AP2A2: variants seen among roughly 807,000 people sequenced by gnomAD.
AP2A2 encodes adaptor related protein complex 2 subunit alpha 2.
In AP2A2, 32 loss-of-function variants were observed where a neutral mutation model predicts 104.2. That is an observed-to-expected ratio of 0.31 (90% confidence interval 0.23 to 0.41). The LOEUF is 0.41. Ranked by LOEUF, AP2A2 falls within the 10% of genes least tolerant of loss-of-function variation. The pLI is 1.00. For missense variants in AP2A2, 912 were observed against 1,261.0 expected (o/e 0.72, Z 4.19); for synonymous variants, 539 against 533.3 (o/e 1.01, Z -0.15).
At position 925,930 on chromosome 11, in the gene AP2A2, G is replaced by T; in HGVS notation, c.-92G>T. On this transcript the variant is annotated 5_prime_UTR_variant, in exon 1 of 22. Coordinates refer to ENST00000448903, the MANE Select transcript of AP2A2 (RefSeq NM_012305.4). ...TAGGCGGCTCCCCGGCGGCTCCTCC[G>T]CGGCGGTGACGGCGACCGCACTCCC... The T allele has an allele frequency of 9.7e-7, 1 of 1,025,750 alleles. No homozygotes were observed. The highest frequency in any genetic ancestry group is 1.3e-6 in the Non-Finnish European group (1 of 773,866). The allele number at this position is 1,025,750 out of a possible 1,614,324, so 63.5% of individuals were successfully genotyped here.
intron 9 of AP2A2, 81 bp from the exon 10 acceptor site, chr11:988,469 TGC>T: frequency 6.6e-7 from 1 of 1,524,960 alleles, no homozygotes. Flanking sequence ...GGTGTTGAGA[TGC>T]GGGTGCCGAG....
intron 8 of AP2A2, among the ~76,000 whole-genome samples, chr11:986,546 C>T (rs1052143245): frequency 3.3e-5 from 5 of 152,174 alleles, no homozygotes; most frequent in Admixed American, 2.0e-4. Context: ...AGTGGACACA[C>T]GGGCTGCTGA....
chr11:943,947 G>A (rs1301819184), intron 1 of AP2A2, among the ~76,000 whole-genome samples: 2 of 148,984 alleles, frequency 1.3e-5, no homozygotes, highest in African/African-American at 5.0e-5. Context: ...GACGCAGGTG[G>A]CAGCGGAGAT....
chr11:987,539 C>T (rs891380230), intron 9 of AP2A2, among the ~76,000 whole-genome samples: 8 of 152,014 alleles, frequency 5.3e-5, no homozygotes, highest in Non-Finnish European at 8.8e-5. Context: ...CCTGTAGTCC[C>T]AGCTACTCAG....
intron 1 of AP2A2, among the ~76,000 whole-genome samples, chr11:935,052 T>C (rs899773208): frequency 8.7e-6 from 1 of 114,744 alleles, no homozygotes; most frequent in Non-Finnish European, 1.8e-5. Context: ...AGAGATGGGG[T>C]TTCACCATTT....
At chr11:946,020 A>C (rs1853819398) in intron 1 of AP2A2, among the ~76,000 whole-genome samples, 1 of 152,216 alleles carries the variant, frequency 6.6e-6, no homozygotes, top group Non-Finnish European at 1.5e-5. Context: ...TTGAGTCTGC[A>C]TCAGAAATGC....
intron 14 of AP2A2, 52 bp downstream of exon 14, chr11:994,297 G>C: frequency 6.3e-7 from 1 of 1,596,446 alleles, no homozygotes; most frequent in Non-Finnish European, 8.5e-7. Flanking sequence ...TCACCCCCAA[G>C]ACTTGGGACC....
At position 994,108 on chromosome 11, in the gene AP2A2, C is replaced by T. The variant is rs760009895; in HGVS notation, c.1819C>T (p.Arg607Trp). The change falls in exon 14 of 22, where the codon CGG becomes TGG. Residue 607 changes from arginine (R) to tryptophan (W), a missense_variant. Transcript: ENST00000448903. ...VLEEMPPFPE[R>W]ESSILAKLKK... ...GGAGGAGATGCCCCCATTCCCGGAG[C>T]GGGAGTCCTCCATCTTGGCAAAGCT... 1.2e-6 allele frequency: 2 copies of T among 1,613,038 alleles called. No homozygotes were observed. Among genetic ancestry groups the T allele is most frequent in the Non-Finnish European group, 1.7e-6 (2 of 1,179,830 alleles).
chr11:1,007,705 G>A (rs932123239), intron 17 of AP2A2: 5 of 449,892 alleles, frequency 1.1e-5, no homozygotes, highest in Non-Finnish European at 1.6e-5. Context: ...TTCTGCTAAC[G>A]GTGACAAAAA....
chr11:933,615 C>G, intron 1 of AP2A2: 3 of 456,136 alleles, frequency 6.6e-6, no homozygotes, highest in Non-Finnish European at 1.3e-5. Flanking sequence ...GGAAGCAGCC[C>G]TATTTTAAAT....
chr11:950,230 T>A (rs1327643902), intron 1 of AP2A2, among the ~76,000 whole-genome samples: 1 of 151,370 alleles, frequency 6.6e-6, no homozygotes, highest in East Asian at 1.9e-4. Context: ...ACTCCATGGA[T>A]CATAAACCCA....
At chr11:959,382 G>T (rs1589966876) in intron 1 of AP2A2, 55 bp from the exon 2 acceptor site, 17 of 1,192,036 alleles carry the variant, frequency 1.4e-5, no homozygotes, top group Non-Finnish European at 2.1e-5. Flanking sequence ...TCAGGGAAAT[G>T]GTGTTTCTTT....
chr11:954,917 T>C (rs1854186198), intron 1 of AP2A2, among the ~76,000 whole-genome samples: 1 of 152,200 alleles, frequency 6.6e-6, no homozygotes, highest in Non-Finnish European at 1.5e-5. Flanking sequence ...TTCACAACCT[T>C]ATATAAAATC....
chr11:954,729 G>GTGTGTGTGTATT (rs1854179901), intron 1 of AP2A2, among the ~76,000 whole-genome samples: 1 of 151,760 alleles, frequency 6.6e-6, no homozygotes, highest in African/African-American at 2.4e-5. Flanking sequence ...TTTGGTGTGT[G>GTGTGTGTGTATT]TGTGTGTGTA....
intron 15 of AP2A2, among the ~76,000 whole-genome samples, chr11:1,002,508 G>C (rs1000175048): frequency 2.0e-5 from 3 of 152,270 alleles, no homozygotes; most frequent in Non-Finnish European, 4.4e-5. Flanking sequence ...CTGTGCAGGG[G>C]GCGGCTGTGG....
At chr11:942,649 C>T (rs546060551) in intron 1 of AP2A2, among the ~76,000 whole-genome samples, 1 of 152,122 alleles carries the variant, frequency 6.6e-6, no homozygotes, top group Non-Finnish European at 1.5e-5. Flanking sequence ...TGTTTTTTCT[C>T]ATGTATTTTT....
At chr11:987,693 T>C (rs1855509722) in intron 9 of AP2A2, among the ~76,000 whole-genome samples, 1 of 151,886 alleles carries the variant, frequency 6.6e-6, no homozygotes, top group Non-Finnish European at 1.5e-5. Flanking sequence ...AGAGCCCAGT[T>C]GAGGTTGGCC....
chr11:1,007,770 ATAATC>A, intron 17 of AP2A2: 1 of 597,886 alleles, frequency 1.7e-6, no homozygotes, highest in Non-Finnish European at 3.0e-6. Flanking sequence ...CAAGTAGTAT[ATAATC>A]TAAGTGACTT....
chr11:983,572 A>G (rs535021691), intron 6 of AP2A2, among the ~76,000 whole-genome samples: 14 of 151,456 alleles, frequency 9.2e-5, no homozygotes, highest in South Asian at 4.2e-4. Flanking sequence ...TTTAGTAGAG[A>G]TGGGGTTTCA....
Sources: gnomAD v4.1 joint callset for allele counts (sites outside exome capture counted in the v4.1 genomes callset) on GRCh38, gnomAD v4.1.1 for gene constraint, MANE v1.5 for transcripts, NCBI Gene and HGNC (gene_info 2026-07-23, HGNC 2026-07-21) for gene names.